Variants in PLEKHH2 observed in about 807,000 individuals in gnomAD.
PLEKHH2 encodes pleckstrin homology domain-containing family H member 2.
In PLEKHH2, 129 loss-of-function variants were observed where a neutral mutation model predicts 187.9. That is an observed-to-expected ratio of 0.69 (90% CI 0.59 to 0.79). The LOEUF (loss-of-function observed/expected upper bound fraction) is 0.79. PLEKHH2 is among the 30% of genes least tolerant of loss of function. The pLI is 0.00. For synonymous variants in PLEKHH2, 686 were observed against 605.6 expected (o/e 1.13, Z -1.95); for missense variants, 2,076 against 1,751.2 (o/e 1.19, Z -3.31).
chr2:43,757,616 C>T (rs1441011783), intron 26 of PLEKHH2, among the ~76,000 whole-genome samples: 1 of 152,008 alleles, frequency 6.6e-6, no homozygotes, highest in East Asian at 1.9e-4. Context: ...GATGGGGTTT[C>T]ACCGTGTTAG....
intron 19 of PLEKHH2, among the ~76,000 whole-genome samples, chr2:43,734,902 C>G (rs1403492437): frequency 1.3e-5 from 2 of 152,174 alleles, no homozygotes; most frequent in Admixed American, 6.5e-5. Flanking sequence ...TGGCTCAGGC[C>G]TGTAATCCCA....
At chr2:43,728,142 C>T (rs1377176389) in intron 17 of PLEKHH2, among the ~76,000 whole-genome samples, 1 of 152,014 alleles carries the variant, frequency 6.6e-6, no homozygotes, top group Non-Finnish European at 1.5e-5. Context: ...AAAGTTTTCT[C>T]GCCCTAGTAA....
At chr2:43,648,729 G>A (rs2104340647) in intron 2 of PLEKHH2, among the ~76,000 whole-genome samples, 1 of 151,594 alleles carries the variant, frequency 6.6e-6, no homozygotes, top group South Asian at 2.1e-4. Flanking sequence ...TACAGTCATG[G>A]GCCACCACAT....
At position 43,762,496 on chromosome 2, in the gene PLEKHH2, G is replaced by A. The variant is rs79790381; in HGVS notation, c.4158+106G>A. 3.7e-3 allele frequency: 3,077 copies of A among 832,836 alleles called. 72 individuals carry two copies. In the African/African-American group the frequency reaches 0.046, roughly 12 times the overall value. 51.6% of individuals were successfully genotyped at this position (832,836 alleles called of 1,614,324 possible). A position where few individuals can be genotyped will look rare whatever the true frequency, so the allele number is the denominator to read the frequency against. ...TTAATCTGATTTTTCTCTTACCCAG[G>A]AAACATTCTTCCTAATACTATGTCA... is the stretch of plus-strand genomic sequence containing the variant. On this transcript the variant is annotated intron_variant, in intron 28 of 29. Coordinates refer to ENST00000282406, the MANE Select transcript of PLEKHH2 (RefSeq NM_172069.4).
At chr2:43,650,488 T>C (rs1666415858) in intron 2 of PLEKHH2, among the ~76,000 whole-genome samples, 1 of 152,154 alleles carries the variant, frequency 6.6e-6, no homozygotes, top group Non-Finnish European at 1.5e-5. Flanking sequence ...TGACCCAAGG[T>C]TTACATTATA....
Position 43,762,212 on chromosome 2 carries a change from T to G in PLEKHH2, c.4072-92T>G, listed in dbSNP as rs1672456089. The G allele has an allele frequency of 4.1e-6, 4 of 978,952 alleles. No individual in the cohort carries two copies. The African/African-American group carries it at 6.5e-5, about 16-fold the overall frequency. 60.6% of individuals were successfully genotyped at this position (978,952 alleles called of 1,614,324 possible). On this transcript the variant is annotated intron_variant, in intron 27 of 29. Transcript: ENST00000282406. ...AATTTTTGTTGTTATTATTGTTGTTTAATGGCAAATGTTACATGACATTTA... is the reference window on the plus strand; with the variant it reads ...AATTTTTGTTGTTATTATTGTTGTTGAATGGCAAATGTTACATGACATTTA...
intron 2 of PLEKHH2, among the ~76,000 whole-genome samples, chr2:43,659,386 C>A (rs1234590437): frequency 6.6e-6 from 1 of 151,660 alleles, no homozygotes; most frequent in Admixed American, 6.6e-5. Context: ...AATTCTTGTC[C>A]TTTAAAAAAT....
chr2:43,692,868 C>G (rs1053733688), intron 4 of PLEKHH2, among the ~76,000 whole-genome samples: 7 of 152,132 alleles, frequency 4.6e-5, no homozygotes, highest in African/African-American at 1.7e-4. Context: ...AAGGCAAGAT[C>G]TAACACTTTT....
In PLEKHH2 at chr2:43,675,952, T is replaced by G. The variant is rs1558461776; in HGVS notation, c.124-2911T>G. On this transcript the variant is annotated intron_variant, in intron 2 of 29. Coordinates refer to ENST00000282406, the MANE Select transcript of PLEKHH2 (RefSeq NM_172069.4). Reference sequence around the variant, plus strand: ...ACCATACTTTTCAAAGACGTATTTGTAAGCGGTCCTCATCTGTACCCACCT... The same window carrying G: ...ACCATACTTTTCAAAGACGTATTTGGAAGCGGTCCTCATCTGTACCCACCT... The G allele has an allele frequency of 2.5e-6, 4 of 1,614,032 alleles. No individual in the cohort carries two copies. Among genetic ancestry groups the G allele is most frequent in the African/African-American group, 1.3e-5 (1 of 75,062 alleles).
intron 26 of PLEKHH2, among the ~76,000 whole-genome samples, chr2:43,758,199 G>T (rs778433671): frequency 6.6e-6 from 1 of 152,170 alleles, no homozygotes; most frequent in East Asian, 1.9e-4. Context: ...TCCAAGCCAG[G>T]GGTGGGAGGA....
At chr2:43,656,008 G>C (rs1381051921) in intron 2 of PLEKHH2, among the ~76,000 whole-genome samples, 5 of 151,160 alleles carry the variant, frequency 3.3e-5, no homozygotes, top group Non-Finnish European at 7.4e-5. Flanking sequence ...GCCCAGGCTG[G>C]AGTGCAGTGG....
intron 3 of PLEKHH2, chr2:43,680,992 T>C (rs895873564): frequency 1.9e-5 from 23 of 1,222,576 alleles, no homozygotes; most frequent in Non-Finnish European, 2.6e-5. Flanking sequence ...CTGTTGTTCA[T>C]ATGCCAACTG....
rs1199884861 is a variant in PLEKHH2 at position 43,706,345 on chromosome 2, A to G, written c.1750A>G (p.Thr584Ala). Reference sequence around the variant, plus strand: ...AGATTCTGCTGCAACCCTTTCCTATACTACATCAGGACTTTATACATCTCT... The same window carrying G: ...AGATTCTGCTGCAACCCTTTCCTATGCTACATCAGGACTTTATACATCTCT... ...NKNSAATLSY[T>A]TSGLYTSLIY... The change falls in exon 10 of 30, where the codon ACT (threonine) becomes GCT (alanine). Residue 584 changes from threonine (T) to alanine (A), a missense_variant. Transcript: ENST00000282406. 9 of 1,609,144 alleles carry G rather than the reference A, an allele frequency of 5.6e-6. No individual in the cohort carries two copies. In the East Asian group the frequency reaches 1.3e-4, roughly 24 times the overall value.
At chr2:43,691,821 C>A (rs941657353) in intron 3 of PLEKHH2, among the ~76,000 whole-genome samples, 1 of 152,140 alleles carries the variant, frequency 6.6e-6, no homozygotes, top group Non-Finnish European at 1.5e-5. Context: ...CTGTGCCAGG[C>A]CTAGAATGTA....
chr2:43,654,805 T>C (rs1666670150), intron 2 of PLEKHH2, among the ~76,000 whole-genome samples: 1 of 150,798 alleles, frequency 6.6e-6, no homozygotes, highest in Non-Finnish European at 1.5e-5. Flanking sequence ...GGTGGGCAGA[T>C]CACTTGAGGT....
Position 43,744,187 on chromosome 2 carries a change from C to A in PLEKHH2, c.3555+198C>A, listed in dbSNP as rs140298484. On this transcript the variant is annotated intron_variant, in intron 23 of 29. Coordinates refer to ENST00000282406, the MANE Select transcript of PLEKHH2 (RefSeq NM_172069.4). ...TCTTAATACACAATCTCTACATATA[C>A]ACATTCCATATTAAAGAGAGGAAAG... 248 of 1,173,762 alleles carry A rather than the reference C, an allele frequency of 2.1e-4. No homozygotes were observed. In the Admixed American group the frequency reaches 2.7e-3, roughly 13 times the overall value. The allele number at this position is 1,173,762 out of a possible 1,614,324, so 72.7% of individuals were successfully genotyped here.
At chr2:43,704,771 G>A (rs1021491441) in intron 9 of PLEKHH2, among the ~76,000 whole-genome samples, 9 of 149,932 alleles carry the variant, frequency 6.0e-5, no homozygotes, top group South Asian at 2.1e-4. Context: ...TATTTCATTC[G>A]CTAAGAACTT....
At chr2:43,745,582 C>T (rs1199706708) in intron 23 of PLEKHH2, among the ~76,000 whole-genome samples, 1 of 152,136 alleles carries the variant, frequency 6.6e-6, no homozygotes, top group East Asian at 1.9e-4. Flanking sequence ...TCCCTGGAAT[C>T]TTCTTGTTTC....
intron 17 of PLEKHH2, among the ~76,000 whole-genome samples, chr2:43,728,246 A>G (rs1158825155): frequency 6.6e-6 from 1 of 152,042 alleles, no homozygotes; most frequent in East Asian, 1.9e-4. Flanking sequence ...TGGGAGGCCG[A>G]GGCAGGTGGA....
Sources: gnomAD v4.1 joint callset for allele counts (sites outside exome capture counted in the v4.1 genomes callset) on GRCh38, gnomAD v4.1.1 for gene constraint, MANE v1.5 for transcripts, NCBI Gene and HGNC (gene_info 2026-07-23, HGNC 2026-07-21) for gene names.